RASGRP3: variants seen among roughly 807,000 people sequenced by gnomAD.
RASGRP3 encodes RAS guanyl releasing protein 3.
In RASGRP3, 54 loss-of-function variants were observed where a neutral mutation model predicts 82.7. That is an observed-to-expected ratio of 0.65 (90% confidence interval 0.52 to 0.82). RASGRP3 has a LOEUF of 0.82. Among genes scored for constraint, RASGRP3 ranks in the 40% least tolerant of loss-of-function variants. The pLI, the probability that RASGRP3 is intolerant of heterozygous loss-of-function variation, is 0.00. For missense variants in RASGRP3, 861 were observed against 828.9 expected, an observed-to-expected ratio of 1.04 and a Z score of -0.48; for synonymous variants, 309 against 300.5, an observed-to-expected ratio of 1.03 and a Z score of -0.29.
intron 1 of RASGRP3, among the ~76,000 whole-genome samples, chr2:33,499,817 T>C (rs1030522473): frequency 6.6e-6 from 1 of 151,574 alleles, no homozygotes; most frequent in Non-Finnish European, 1.5e-5. Context: ...AGAAACCAAT[T>C]TGAAGTGTAC....
chr2:33,544,330 C>G (rs1310891431), intron 13 of RASGRP3, among the ~76,000 whole-genome samples: 6 of 151,850 alleles, frequency 4.0e-5, no homozygotes, highest in African/African-American at 1.5e-4. Context: ...AAAAAACTCA[C>G]TTATAGTCTT....
chr2:33,454,448 A>T (rs1219733923), intron 2 of RASGRP3, among the ~76,000 whole-genome samples: 1 of 152,210 alleles, frequency 6.6e-6, no homozygotes, highest in Non-Finnish European at 1.5e-5. Flanking sequence ...TAGGCATGGC[A>T]GTATTTGGGC....
intron 2 of RASGRP3, among the ~76,000 whole-genome samples, chr2:33,467,433 A>G (rs1235018602): frequency 1.3e-5 from 2 of 152,350 alleles, no homozygotes; most frequent in African/African-American, 2.4e-5. Context: ...GAAATCTCCC[A>G]TGATTTTTAG....
chr2:33,507,251 T>G (rs537143052), intron 1 of RASGRP3, among the ~76,000 whole-genome samples: 1 of 152,132 alleles, frequency 6.6e-6, no homozygotes, highest in East Asian at 1.9e-4. Context: ...AAAAATTAGC[T>G]GGGCATGATG....
In RASGRP3 at chr2:33,516,604, T is replaced by C; in HGVS notation, c.133T>C (p.Tyr45His). ...PRIVLLMHRW[Y>H]LSSTELAEKL... ...AATAGTTCTACTGATGCACCGATGG[T>C]ATTTATCTTCCACTGAATTGGCAGA... Residue 45 changes from tyrosine (Y) to histidine (H), a missense_variant, in exon 4 of 18, where the codon TAT (tyrosine) becomes CAT (histidine). Coordinates refer to ENST00000403687, the MANE Select transcript of RASGRP3 (RefSeq NM_001139488.2). The C allele has an allele frequency of 6.3e-7, 1 of 1,592,858 alleles. No homozygotes were observed. Among genetic ancestry groups the C allele is most frequent in the Non-Finnish European group, 8.6e-7 (1 of 1,165,262 alleles).
intron 1 of RASGRP3, among the ~76,000 whole-genome samples, chr2:33,509,515 C>T (rs1670730674): frequency 6.6e-6 from 1 of 152,208 alleles, no homozygotes; most frequent in Non-Finnish European, 1.5e-5. Context: ...TCATGAGCTA[C>T]TTCCACTGAC....
At chr2:33,442,316 A>T (rs1169702921) in intron 1 of RASGRP3, among the ~76,000 whole-genome samples, 1 of 152,222 alleles carries the variant, frequency 6.6e-6, no homozygotes, top group African/African-American at 2.4e-5. Flanking sequence ...GTGAGCCAAG[A>T]TCGCGCCGCT....
intron 8 of RASGRP3, 81 bp downstream of exon 8, chr2:33,524,133 C>T (rs1672294060): frequency 4.0e-6 from 6 of 1,488,822 alleles, no homozygotes; most frequent in South Asian, 2.4e-5. Flanking sequence ...GGAAATGTGG[C>T]GTTCACAGTA....
In RASGRP3 at chr2:33,549,366, GCA is replaced by G. The variant is rs376284864; in HGVS notation, c.1395-222_1395-221del. ...TGTGTGCTTACATGAATATGCTCCT[GCA>G]CACACACACACACACGCAGGATGCA... On this transcript the variant is annotated intron_variant, in intron 13 of 17. Coordinates refer to ENST00000403687, the MANE Select transcript of RASGRP3 (RefSeq NM_001139488.2). 5.0e-3 allele frequency among the ~76,000 whole-genome samples: 750 copies of G among 151,014 alleles called. 5 individuals carry two copies. The highest frequency in any genetic ancestry group is 0.017 in the African/African-American group (712 of 41,226).
chr2:33,545,889 C>T (rs547894092), intron 13 of RASGRP3, among the ~76,000 whole-genome samples: 9 of 152,286 alleles, frequency 5.9e-5, no homozygotes, highest in Admixed American at 5.2e-4. Flanking sequence ...ATTGCAACCT[C>T]TGCCTCCTGG....
In RASGRP3 at chr2:33,524,596, AT is replaced by A. The variant is rs751636209; in HGVS notation, c.807+50del. The A allele has an allele frequency of 2.1e-6, 3 of 1,411,222 alleles. 1 individual carries two copies. In the South Asian group the frequency reaches 3.8e-5, roughly 18 times the overall value. 87.4% of individuals were successfully genotyped at this position (1,411,222 alleles called of 1,614,324 possible). The stretch of plus-strand genomic sequence containing the variant: ...CAAAAGTAAAAAAATGCATTTGTAA[AT>A]TGTTCAGGTTTAGTATACGCCTAAC... On this transcript the variant is annotated intron_variant, in intron 9 of 17. Coordinates refer to ENST00000403687, the MANE Select transcript of RASGRP3 (RefSeq NM_001139488.2).
intron 4 of RASGRP3, 61 bp downstream of exon 4, chr2:33,516,705 A>G: frequency 8.6e-7 from 1 of 1,163,392 alleles, no homozygotes. Context: ...ATTTAGATAG[A>G]GTGTCTATCC....
At chr2:33,521,715 C>T (rs187149133) in intron 6 of RASGRP3, among the ~76,000 whole-genome samples, 1 of 152,336 alleles carries the variant, frequency 6.6e-6, no homozygotes, top group East Asian at 1.9e-4. Flanking sequence ...GTCACAAAGA[C>T]ACTAAGTAAG....
chr2:33,497,913 G>T (rs1461485342), intron 1 of RASGRP3, among the ~76,000 whole-genome samples: 1 of 152,114 alleles, frequency 6.6e-6, no homozygotes, highest in East Asian at 1.9e-4. Flanking sequence ...GAAGAAATGG[G>T]ATTTAAACTA....
intron 2 of RASGRP3, among the ~76,000 whole-genome samples, chr2:33,462,824 T>C (rs1211728290): frequency 6.6e-6 from 1 of 152,260 alleles, no homozygotes; most frequent in African/African-American, 2.4e-5. Context: ...AGCTTTGTAG[T>C]TCTGCTTTGA....
intron 2 of RASGRP3, among the ~76,000 whole-genome samples, chr2:33,458,693 A>T (rs1408745192): frequency 6.6e-6 from 1 of 152,186 alleles, no homozygotes; most frequent in Admixed American, 6.5e-5. Context: ...AATAGGGTAG[A>T]AACAAGTGAG....
intron 2 of RASGRP3, among the ~76,000 whole-genome samples, chr2:33,449,648 C>T (rs113439971): frequency 6.6e-6 from 1 of 151,790 alleles, no homozygotes; most frequent in African/African-American, 2.4e-5. Flanking sequence ...TAGTCCCACT[C>T]CTAGGGAGGC....
At chr2:33,479,723 G>A (rs879604719) in intron 1 of RASGRP3, among the ~76,000 whole-genome samples, 50 of 152,106 alleles carry the variant, frequency 3.3e-4, no homozygotes, top group Non-Finnish European at 3.8e-4. Flanking sequence ...TCTCACGGGT[G>A]GGCCATAAAC....
At chr2:33,473,321 T>G (rs2150920199), upstream of RASGRP3, among the ~76,000 whole-genome samples, 1 of 151,984 alleles carries the variant, frequency 6.6e-6, no homozygotes, top group South Asian at 2.1e-4. Flanking sequence ...AGACGGAGCT[T>G]GCAGTGAGCC....
Sources: allele counts gnomAD v4.1 joint callset (sites outside exome capture counted in the v4.1 genomes callset), GRCh38; gene constraint gnomAD v4.1.1; transcripts MANE v1.5; gene names NCBI Gene and HGNC (gene_info 2026-07-23, HGNC 2026-07-21).